Variants in KLHL13 observed in about 807,000 individuals in gnomAD.
KLHL13 encodes kelch-like protein 13.
A neutral mutation model predicts 37.1 loss-of-function variants in KLHL13; 10 were observed. The observed-to-expected ratio is 0.27, with a 90% CI of 0.17 to 0.46. The LOEUF (loss-of-function observed/expected upper bound fraction) is 0.46. KLHL13 is among the 20% of genes least tolerant of loss of function. KLHL13 has a pLI of 1.00. For synonymous variants in KLHL13, 163 were observed against 181.2 expected, an observed-to-expected ratio of 0.90 and a Z score of 0.81; for missense variants, 360 against 509.3, an observed-to-expected ratio of 0.71 and a Z score of 2.82.
chrX:117,950,256 C>A (rs957365760), intron 1 of KLHL13, among the ~76,000 whole-genome samples: 1 of 112,202 alleles, frequency 8.9e-6, no homozygotes, highest in Non-Finnish European at 1.9e-5. Context: ...CACCTGAGAT[C>A]AGGAGTTCGA....
chrX:118,096,381 AG>A (rs2055206452), intron 1 of KLHL13, among the ~76,000 whole-genome samples: 1 of 111,988 alleles, frequency 8.9e-6, no homozygotes. Flanking sequence ...TAAACCAGGA[AG>A]AAGTTGAATC....
intron 1 of KLHL13, among the ~76,000 whole-genome samples, chrX:117,954,015 T>C (rs965256752): frequency 9.0e-6 from 1 of 111,709 alleles, no homozygotes; most frequent in Non-Finnish European, 1.9e-5. Context: ...GAACACATTC[T>C]GAACTCTAAT....
intron 1 of KLHL13, among the ~76,000 whole-genome samples, chrX:118,038,335 C>T (rs1015568411): frequency 3.6e-5 from 4 of 112,064 alleles, no homozygotes; most frequent in Non-Finnish European, 7.5e-5. Context: ...TTCATAACAA[C>T]CAAAAATCAG....
At position 118,031,482 on chromosome X, in the gene KLHL13, G is replaced by C. The variant is rs1167257044; in HGVS notation, c.-56+85026C>G. Among the ~76,000 whole-genome samples, 26 of 84,003 alleles carry C rather than the reference G, an allele frequency of 3.1e-4. 1 individual carries two copies. Among genetic ancestry groups the C allele is most frequent in the African/African-American group, 1.5e-3 (26 of 17,737 alleles). 72.9% of individuals were successfully genotyped at this position (84,003 alleles called of 115,157 possible). A position where few individuals can be genotyped will look rare whatever the true frequency, so the allele number is the denominator to read the frequency against. On this transcript the variant is annotated intron_variant, in intron 1 of 6. Coordinates refer to the KLHL13 transcript ENST00000371882. The stretch of plus-strand genomic sequence containing the variant: ...ATATATATATTTAGATATATATATA[G>C]ATATATATATTTAGATATATATATA...
chrX:118,090,458 G>A (rs1316687956), intron 1 of KLHL13, among the ~76,000 whole-genome samples: 3 of 111,816 alleles, frequency 2.7e-5, no homozygotes, highest in African/African-American at 9.8e-5. Flanking sequence ...CCATCAAAAA[G>A]TGGGTGAAGG....
At chrX:117,911,992 T>C in intron 4 of KLHL13, among the ~76,000 whole-genome samples, 1 of 112,044 alleles carries the variant, frequency 8.9e-6, no homozygotes. Flanking sequence ...ACTGTATAAA[T>C]ACCCTGGATT....
intron 1 of KLHL13, among the ~76,000 whole-genome samples, chrX:118,032,704 G>T (rs1307859488): frequency 8.9e-6 from 1 of 112,253 alleles, no homozygotes; most frequent in Non-Finnish European, 1.9e-5. Context: ...CCAAAGGAAC[G>T]CAGTTCCTCA....
intron 2 of KLHL13, among the ~76,000 whole-genome samples, chrX:117,944,385 T>A (rs188623859): frequency 6.0e-4 from 67 of 111,308 alleles, no homozygotes; most frequent in Non-Finnish European, 1.0e-3. Flanking sequence ...GGAAATGGGA[T>A]TTTACTGAAT....
At chrX:118,096,885 A>G (rs930188370) in intron 1 of KLHL13, among the ~76,000 whole-genome samples, 1 of 111,842 alleles carries the variant, frequency 8.9e-6, no homozygotes, top group Non-Finnish European at 1.9e-5. Flanking sequence ...GCAACGCTTC[A>G]TGCTAAAAAC....
At chrX:117,931,989 T>A (rs183499556) in intron 2 of KLHL13, among the ~76,000 whole-genome samples, 1 of 111,520 alleles carries the variant, frequency 9.0e-6, no homozygotes, top group South Asian at 3.8e-4. Flanking sequence ...ACTTTCTCTA[T>A]CCCAGGGCTA....
chrX:117,984,457 C>G (rs1176382414), intron 1 of KLHL13, among the ~76,000 whole-genome samples: 3 of 111,277 alleles, frequency 2.7e-5, no homozygotes, highest in African/African-American at 6.5e-5. Flanking sequence ...ATCTCACAAG[C>G]ACTACTGCAT....
At chrX:117,989,891 T>TTG (rs2053769317) in intron 1 of KLHL13, among the ~76,000 whole-genome samples, 1 of 111,245 alleles carries the variant, frequency 9.0e-6, no homozygotes, top group Admixed American at 9.6e-5. Flanking sequence ...TCTCTTTGGG[T>TTG]TAAAACTGCT....
intron 1 of KLHL13, among the ~76,000 whole-genome samples, chrX:118,105,933 G>A (rs188631592): frequency 0.084 from 6,648 of 79,607 alleles, 269 homozygotes; most frequent in Middle Eastern, 0.2. Context: ...ATGGAGTCTC[G>A]CTCTGTCGCC....
At chrX:118,099,203 G>A (rs1437029824) in intron 1 of KLHL13, among the ~76,000 whole-genome samples, 1 of 111,021 alleles carries the variant, frequency 9.0e-6, no homozygotes, top group Non-Finnish European at 1.9e-5. Context: ...CAAGTACAAA[G>A]ATATTATGGA....
At chrX:117,909,988 G>A in exon 5 of KLHL13, 1 of 1,209,672 alleles carries the variant, frequency 8.3e-7, no homozygotes, top group South Asian at 1.8e-5. Context: ...CCTGTGCTCA[G>A]CAATGCAGGA....
intron 5 of KLHL13, among the ~76,000 whole-genome samples, chrX:117,903,161 G>C (rs770823636): frequency 0.046 from 4,584 of 100,607 alleles, 152 homozygotes; most frequent in Middle Eastern, 0.095. Context: ...CACACACAGA[G>C]AGAGAGAGAG....
At chrX:117,908,109 A>T (rs1313917118) in intron 5 of KLHL13, among the ~76,000 whole-genome samples, 1 of 105,705 alleles carries the variant, frequency 9.5e-6, no homozygotes, top group African/African-American at 3.5e-5. Flanking sequence ...TTATTTATTT[A>T]TTTATTGTGT....
chrX:118,102,479 T>C (rs1250321036), intron 1 of KLHL13, among the ~76,000 whole-genome samples: 1 of 111,921 alleles, frequency 8.9e-6, no homozygotes, highest in African/African-American at 3.2e-5. Context: ...ACTTTTCCTA[T>C]TCCTTTGAAT....
Position 117,943,583 on chromosome X carries a change from C to T in KLHL13, c.240+1851G>A, listed in dbSNP as rs779157030. Among the ~76,000 whole-genome samples, 5 of 108,451 alleles carry T rather than the reference C, an allele frequency of 4.6e-5. No individual in the cohort carries two copies. In the South Asian group the frequency reaches 2.0e-3, roughly 44 times the overall value. 94.2% of individuals were successfully genotyped at this position (108,451 alleles called of 115,157 possible). On this transcript the variant is annotated intron_variant, in intron 2 of 6. Transcript: ENST00000262820. Reference sequence around the variant, plus strand: ...TGCTTTATTTCATTAAGTTGATCTTCAATCTCTGATATCCTTTCTTCTGCT... The same window carrying T: ...TGCTTTATTTCATTAAGTTGATCTTTAATCTCTGATATCCTTTCTTCTGCT...
Sources: allele counts gnomAD v4.1 joint callset (sites outside exome capture counted in the v4.1 genomes callset), GRCh38; gene constraint gnomAD v4.1.1; transcripts MANE v1.5; gene names NCBI Gene and HGNC (gene_info 2026-07-23, HGNC 2026-07-21).